Variants in SH2D4A observed in about 807,000 individuals in gnomAD.
SH2D4A encodes SH2 domain containing 4A.
SH2D4A carries 70 observed loss-of-function variants against 64.7 expected under a neutral mutation model. The observed-to-expected ratio is 1.08, with a 90% CI of 0.89 to 1.32. The LOEUF (loss-of-function observed/expected upper bound fraction) is 1.32, where lower values mean the gene tolerates loss of function less well. Among genes scored for constraint, SH2D4A ranks in the 40% most tolerant of loss-of-function variants. SH2D4A has a pLI of 0.00. For synonymous variants in SH2D4A, 268 were observed against 200.7 expected (o/e 1.34, Z -2.83); for missense variants, 706 against 540.1 (o/e 1.31, Z -3.04).
chr8:19,391,396 G>C (rs2053490326), intron 8 of SH2D4A, among the ~76,000 whole-genome samples: 1 of 152,138 alleles, frequency 6.6e-6, no homozygotes, highest in Admixed American at 6.5e-5. Flanking sequence ...CCATGGGTCT[G>C]TCTCAGCAGG....
At chr8:19,390,931 C>G (rs924577616) in intron 8 of SH2D4A, among the ~76,000 whole-genome samples, 16 of 152,182 alleles carry the variant, frequency 1.1e-4, no homozygotes, top group Non-Finnish European at 1.9e-4. Context: ...TTTTAGGAAT[C>G]CAGATTCATC....
chr8:19,314,422 A>G (rs1419078966), intron 1 of SH2D4A, among the ~76,000 whole-genome samples: 2 of 152,086 alleles, frequency 1.3e-5, no homozygotes, highest in Non-Finnish European at 1.5e-5. Flanking sequence ...CGCGGAGGCC[A>G]GTGCAGCGCC....
At chr8:19,317,698 A>G (rs192816682) in intron 1 of SH2D4A, among the ~76,000 whole-genome samples, 68 of 152,292 alleles carry the variant, frequency 4.5e-4, no homozygotes, top group Admixed American at 3.9e-3. Flanking sequence ...GAGGGGCATT[A>G]CAAATCTAAC....
chr8:19,350,588 A>T (rs2052686378), intron 4 of SH2D4A, among the ~76,000 whole-genome samples: 1 of 152,048 alleles, frequency 6.6e-6, no homozygotes, highest in African/African-American at 2.4e-5. Context: ...GGCTCAGGTG[A>T]TCCTCCCACC....
intron 2 of SH2D4A, among the ~76,000 whole-genome samples, chr8:19,323,375 C>G (rs2052223276): frequency 6.6e-6 from 1 of 150,650 alleles, no homozygotes; most frequent in Non-Finnish European, 1.5e-5. Context: ...TCACCTGTTC[C>G]TTTTGATTTT....
At position 19,364,195 on chromosome 8, in the gene SH2D4A, T is replaced by A; in HGVS notation, c.830T>A (p.Leu277Ter). The A allele has an allele frequency of 1.2e-6, 2 of 1,614,156 alleles. No homozygotes were observed. The highest frequency in any genetic ancestry group is 1.7e-6 in the Non-Finnish European group (2 of 1,180,004). ...GRGGERLQSP[L>*]RVPQKPERPP... ...GGCGGTGAGAGGCTGCAAAGCCCCT[T>A]GCGTGTTCCGCAGAAACCAGAAAGA... Residue 277 changes from leucine (L) to a stop codon, truncating the protein, a stop_gained, in exon 7 of 10, where the codon TTG (leucine) becomes TAG (stop). Transcript: ENST00000265807. LOFTEE classifies it high-confidence loss of function.
chr8:19,331,172 C>T lies in SH2D4A; in HGVS notation c.182-1783C>T, dbSNP rs541379872. On this transcript the variant is annotated intron_variant, in intron 2 of 9. Coordinates refer to ENST00000265807, the MANE Select transcript of SH2D4A (RefSeq NM_022071.4). ...GGGTCAAAAGAAAGCACGAGCCTGGCTTTGAGCAGCCTGCTTTGGTAATGT... is the reference window on the plus strand; with the variant it reads ...GGGTCAAAAGAAAGCACGAGCCTGGTTTTGAGCAGCCTGCTTTGGTAATGT... 1.4e-4 allele frequency among the ~76,000 whole-genome samples: 21 copies of T among 152,322 alleles called. No homozygotes were observed. The South Asian group carries it at 4.1e-3, about 30-fold the overall frequency.
chr8:19,334,069 A>T (rs1249611227), intron 3 of SH2D4A, among the ~76,000 whole-genome samples: 1 of 152,122 alleles, frequency 6.6e-6, no homozygotes, highest in Admixed American at 6.5e-5. Flanking sequence ...GAGGCAGGTG[A>T]TGGCGCTCCT....
At chr8:19,352,298 C>T (rs191524178) in intron 4 of SH2D4A, among the ~76,000 whole-genome samples, 135 of 152,254 alleles carry the variant, frequency 8.9e-4, no homozygotes, top group African/African-American at 2.2e-3. Flanking sequence ...CTAAGTTTAA[C>T]GGTAGTTATT....
intron 8 of SH2D4A, among the ~76,000 whole-genome samples, chr8:19,377,123 G>T (rs1157066977): frequency 6.6e-6 from 1 of 152,102 alleles, no homozygotes; most frequent in South Asian, 2.1e-4. Flanking sequence ...GCTCATACCT[G>T]TAATCCCAGT....
In SH2D4A at chr8:19,364,106, C is replaced by T; in HGVS notation, c.741C>T (p.Arg247=). The change falls in exon 7 of 10, where the codon CGC becomes CGT. Residue 247 remains arginine, a synonymous_variant. Transcript: ENST00000265807. The stretch of plus-strand genomic sequence containing the variant: ...CCAAAGCAGCTGATGAGAAGAGACG[C>T]TCCTTGGCTAAACAAGCACGAGAAG... ...RKSKAADEKR[R]SLAKQAREDY... is the part of the protein sequence containing the mutation. 2 of 1,614,024 alleles carry T rather than the reference C, an allele frequency of 1.2e-6. No individual in the cohort carries two copies. Among genetic ancestry groups the T allele is most frequent in the Non-Finnish European group, 8.5e-7 (1 of 1,179,936 alleles).
At chr8:19,392,962 C>G (rs112684312) in intron 8 of SH2D4A, among the ~76,000 whole-genome samples, 6 of 152,162 alleles carry the variant, frequency 3.9e-5, no homozygotes, top group African/African-American at 1.4e-4. Context: ...AGGATGGTCT[C>G]GATCTCCTGA....
intron 8 of SH2D4A, among the ~76,000 whole-genome samples, chr8:19,376,043 G>A (rs2053190594): frequency 6.6e-6 from 1 of 152,024 alleles, no homozygotes. Flanking sequence ...CCCTACCTTA[G>A]GGTTCTTGCA....
intron 7 of SH2D4A, among the ~76,000 whole-genome samples, chr8:19,365,858 A>C (rs1020922902): frequency 2.0e-5 from 3 of 152,172 alleles, no homozygotes; most frequent in African/African-American, 7.2e-5. Flanking sequence ...AGGACTTCCC[A>C]AAAAAGAGCC....
intron 4 of SH2D4A, among the ~76,000 whole-genome samples, chr8:19,344,886 G>A (rs371539011): frequency 2.0e-5 from 3 of 152,308 alleles, no homozygotes; most frequent in African/African-American, 4.8e-5. Flanking sequence ...TGTAGTTACT[G>A]TAAATAGCCT....
intron 8 of SH2D4A, among the ~76,000 whole-genome samples, chr8:19,382,637 AT>A (rs1460318854): frequency 5.3e-5 from 8 of 152,046 alleles, no homozygotes; most frequent in Admixed American, 2.0e-4. Flanking sequence ...TTGACTGATA[AT>A]ATTCTCAACT....
At chr8:19,369,175 G>A (rs1353835033) in intron 7 of SH2D4A, among the ~76,000 whole-genome samples, 1 of 152,124 alleles carries the variant, frequency 6.6e-6, no homozygotes, top group Non-Finnish European at 1.5e-5. Context: ...TCCCTGAGAT[G>A]AATTTCCTTT....
intron 2 of SH2D4A, among the ~76,000 whole-genome samples, chr8:19,329,792 T>C (rs1191743071): frequency 6.6e-6 from 1 of 152,208 alleles, no homozygotes; most frequent in Non-Finnish European, 1.5e-5. Context: ...GCCATCCATG[T>C]AAGACGTTAC....
intron 2 of SH2D4A, among the ~76,000 whole-genome samples, chr8:19,327,067 G>A (rs917318655): frequency 6.6e-6 from 1 of 152,182 alleles, no homozygotes; most frequent in Non-Finnish European, 1.5e-5. Context: ...GGAGGCCCTA[G>A]GGGGAAATGT....
Sources: allele counts gnomAD v4.1 joint callset (sites outside exome capture counted in the v4.1 genomes callset), GRCh38; gene constraint gnomAD v4.1.1; transcripts MANE v1.5; gene names NCBI Gene and HGNC (gene_info 2026-07-23, HGNC 2026-07-21).